Variants in GRID2 observed in about 807,000 individuals in gnomAD.
GRID2 encodes glutamate receptor ionotropic, delta-2.
GRID2 carries 33 observed loss-of-function variants against 114.8 expected under a neutral mutation model. The observed-to-expected ratio is 0.29, with a 90% CI of 0.22 to 0.38. The LOEUF is 0.38. Among genes scored for constraint, GRID2 ranks in the 10% least tolerant of loss-of-function variants. The pLI is 1.00. For missense variants in GRID2, 1,184 were observed against 1,257.7 expected (o/e 0.94, Z 0.89); for synonymous variants, 505 against 449.9 (o/e 1.12, Z -1.55).
chr4:92,686,182 C>G (rs1425304670), intron 2 of GRID2, among the ~76,000 whole-genome samples: 3 of 151,958 alleles, frequency 2.0e-5, no homozygotes, highest in Non-Finnish European at 2.9e-5. Context: ...AATTTCATTC[C>G]TGCTTAAATT....
intron 8 of GRID2, among the ~76,000 whole-genome samples, chr4:93,377,185 A>G (rs1425306949): frequency 6.6e-6 from 1 of 152,170 alleles, no homozygotes; most frequent in Non-Finnish European, 1.5e-5. Flanking sequence ...TAATGAGTTG[A>G]TAATTGTTTC....
chr4:93,307,242 GA>G (rs1365977709), intron 8 of GRID2, among the ~76,000 whole-genome samples: 3 of 151,508 alleles, frequency 2.0e-5, no homozygotes, highest in African/African-American at 7.3e-5. Flanking sequence ...AGAGGAAAAG[GA>G]AAAAAAGAAA....
chr4:93,614,454 A>T (rs1454910429), intron 13 of GRID2, among the ~76,000 whole-genome samples: 1 of 152,188 alleles, frequency 6.6e-6, no homozygotes, highest in South Asian at 2.1e-4. Flanking sequence ...CCAGAACACA[A>T]ATGCATCAGA....
intron 2 of GRID2, among the ~76,000 whole-genome samples, chr4:92,812,171 T>A (rs1303454437): frequency 3.9e-5 from 6 of 152,146 alleles, no homozygotes; most frequent in African/African-American, 1.2e-4. Flanking sequence ...TATGTGAAGA[T>A]CTTTAATATA....
chr4:93,589,228 T>A (rs1343944714), intron 13 of GRID2, among the ~76,000 whole-genome samples: 4 of 125,012 alleles, frequency 3.2e-5, no homozygotes, highest in South Asian at 2.6e-4. Flanking sequence ...CAGTCCCCAG[T>A]GTGTGATGTT....
At chr4:92,600,030 GTGTGTGTGTGTGTGTATA>G (rs1238553646) in intron 2 of GRID2, among the ~76,000 whole-genome samples, 3 of 68,370 alleles carry the variant, frequency 4.4e-5, no homozygotes, top group Non-Finnish European at 8.8e-5. Context: ...ATGTATGTGT[GTGTGTGTGTGTGTGTATA>G]TATATATATA....
chr4:93,509,142 T>C (rs760500612), intron 12 of GRID2, among the ~76,000 whole-genome samples: 5 of 152,182 alleles, frequency 3.3e-5, no homozygotes, highest in Non-Finnish European at 2.9e-5. Context: ...TCAGATTGCA[T>C]ATCAGAAAGA....
rs906318066 is a variant in GRID2 at position 92,423,122 on chromosome 4, G to A, written c.88+118378G>A. Among the ~76,000 whole-genome samples the A allele has an allele frequency of 2.0e-5, 3 of 152,068 alleles. No individual in the cohort carries two copies. The South Asian group carries it at 6.2e-4, about 31-fold the overall frequency. On this transcript the variant is annotated intron_variant, in intron 1 of 15. Coordinates refer to ENST00000282020, the MANE Select transcript of GRID2 (RefSeq NM_001510.4). ...TCTAGCGAGCCAACGCGAGAAAAAT[G>A]GAGTCTACATGAAAAATGATAGCTC...
At chr4:93,733,179 T>C (rs1730637283) in intron 14 of GRID2, among the ~76,000 whole-genome samples, 1 of 152,168 alleles carries the variant, frequency 6.6e-6, no homozygotes, top group Non-Finnish European at 1.5e-5. Flanking sequence ...CTCTGAGCAA[T>C]TGGTCACTTG....
intron 14 of GRID2, among the ~76,000 whole-genome samples, chr4:93,673,346 A>C (rs1014487713): frequency 3.9e-5 from 6 of 152,212 alleles, no homozygotes. Context: ...TTAATTTTTC[A>C]TCTTTGATTT....
chr4:93,505,530 A>G (rs1201644886), intron 12 of GRID2, among the ~76,000 whole-genome samples: 1 of 150,820 alleles, frequency 6.6e-6, no homozygotes, highest in East Asian at 1.9e-4. Context: ...GGAAAACTGC[A>G]GGATAATTGA....
chr4:93,656,882 A>G (rs2149730597), intron 14 of GRID2, among the ~76,000 whole-genome samples: 1 of 149,872 alleles, frequency 6.7e-6, no homozygotes, highest in Non-Finnish European at 1.5e-5. Context: ...TGTCATTTCA[A>G]TTGAATTTTC....
chr4:92,600,358 A>G (rs1314115397), intron 2 of GRID2, among the ~76,000 whole-genome samples: 1 of 151,712 alleles, frequency 6.6e-6, no homozygotes, highest in Non-Finnish European at 1.5e-5. Flanking sequence ...CAAAACAGAA[A>G]AGGTCACATT....
intron 2 of GRID2, among the ~76,000 whole-genome samples, chr4:92,719,738 AG>A (rs1325375179): frequency 6.6e-6 from 1 of 152,100 alleles, no homozygotes; most frequent in African/African-American, 2.4e-5. Flanking sequence ...GGGGGAGAAT[AG>A]GGGGAAGAAA....
chr4:93,379,082 C>A (rs1257621798), intron 8 of GRID2, among the ~76,000 whole-genome samples: 3 of 151,928 alleles, frequency 2.0e-5, no homozygotes, highest in African/African-American at 7.2e-5. Flanking sequence ...AATCTATATA[C>A]TTCATATAGA....
At chr4:92,487,910 A>G (rs1460796216) in intron 1 of GRID2, among the ~76,000 whole-genome samples, 1 of 152,120 alleles carries the variant, frequency 6.6e-6, no homozygotes, top group Non-Finnish European at 1.5e-5. Context: ...TAAGAAAACA[A>G]TTTCATATAT....
intron 4 of GRID2, among the ~76,000 whole-genome samples, chr4:93,176,959 C>A (rs998049704): frequency 1.3e-5 from 2 of 152,094 alleles, no homozygotes; most frequent in Admixed American, 1.3e-4. Context: ...ATGTTGACTT[C>A]GTTTCTCACC....
intron 1 of GRID2, among the ~76,000 whole-genome samples, chr4:92,476,960 G>GAA (rs36151863): frequency 0.36 from 53,811 of 150,222 alleles, 10,082 homozygotes; most frequent in African/African-American, 0.45. Context: ...ACAATGAAAT[G>GAA]AAGTTATTTA....
chr4:93,335,017 A>G (rs1758898005), intron 8 of GRID2, among the ~76,000 whole-genome samples: 2 of 151,618 alleles, frequency 1.3e-5, no homozygotes, highest in African/African-American at 4.9e-5. Context: ...TAATGTAGCT[A>G]TGTACTAATA....
Sources: allele counts gnomAD v4.1 joint callset (sites outside exome capture counted in the v4.1 genomes callset), GRCh38; gene constraint gnomAD v4.1.1; transcripts MANE v1.5; gene names NCBI Gene and HGNC (gene_info 2026-07-23, HGNC 2026-07-21).